Variants in CBLN2 observed in about 807,000 individuals in gnomAD.
The protein encoded by CBLN2 is cerebellin 2 precursor, also known as cerebellin-2.
In CBLN2, 7 loss-of-function variants were observed where a neutral mutation model predicts 15.0. The ratio of observed to expected loss-of-function variants is 0.47; its 90% CI spans 0.27 to 0.88. The LOEUF (loss-of-function observed/expected upper bound fraction) is 0.88. Ranked by LOEUF, CBLN2 falls within the 40% of genes least tolerant of loss-of-function variation. CBLN2 has a pLI of 0.14. For missense variants in CBLN2, 242 were observed against 304.5 expected (o/e 0.79, Z 1.53); for synonymous variants, 149 against 135.2 (o/e 1.10, Z -0.71).
intron 1 of CBLN2, among the ~76,000 whole-genome samples, chr18:72,625,715 TATATATATATAC>T (rs1235239819): frequency 0.025 from 993 of 39,440 alleles, 21 homozygotes; most frequent in African/African-American, 0.081. Flanking sequence ...TATATATATA[TATATATATATAC>T]ACACTCTTGT....
intron 1 of CBLN2, among the ~76,000 whole-genome samples, chr18:72,558,160 G>A (rs2069238355): frequency 6.6e-6 from 1 of 152,162 alleles, no homozygotes; most frequent in Non-Finnish European, 1.5e-5. Flanking sequence ...ATGTGACTTA[G>A]TGTGGCACCT....
intron 1 of CBLN2, among the ~76,000 whole-genome samples, chr18:72,636,591 C>T (rs940326041): frequency 6.6e-6 from 1 of 152,166 alleles, no homozygotes; most frequent in African/African-American, 2.4e-5. Context: ...AGAAGTCTCC[C>T]GTTCCCCGTG....
At chr18:72,557,482 A>G (rs1220628460) in intron 1 of CBLN2, among the ~76,000 whole-genome samples, 2 of 152,192 alleles carry the variant, frequency 1.3e-5, no homozygotes, top group Middle Eastern at 3.2e-3. Context: ...GGTTGAAGTA[A>G]TTTTCATTCC....
chr18:72,580,644 G>A (rs1011903698), intron 1 of CBLN2, among the ~76,000 whole-genome samples: 1 of 151,952 alleles, frequency 6.6e-6, no homozygotes, highest in African/African-American at 2.4e-5. Flanking sequence ...TGATGCTTTT[G>A]AATTCATTTG....
At chr18:72,617,954 A>C (rs2069673917) in intron 1 of CBLN2, among the ~76,000 whole-genome samples, 2 of 152,204 alleles carry the variant, frequency 1.3e-5, no homozygotes, top group Admixed American at 6.5e-5. Context: ...ATTATAGGAA[A>C]AAAAATTAAA....
chr18:72,542,056 C>A lies in CBLN2; in HGVS notation c.105G>T (p.Ala35=). Residue 35 remains alanine, a synonymous_variant, in exon 3 of 5, where the codon GCG becomes GCT. Transcript: ENST00000269503. ...GCAGTAGCAGCAACAGCAGGGCCAG[C>A]GCCACCCCCAGGCAGGATCCGCAGC... The part of the protein sequence containing the change: ...PGGCGSCLGV[A]LALLLLLLPA... 6.3e-7 allele frequency: 1 copy of A among 1,580,354 alleles called. No homozygotes were observed. Among genetic ancestry groups the A allele is most frequent in the South Asian group, 1.1e-5 (1 of 88,324 alleles).
chr18:72,542,603 C>T (rs958630731), intron 2 of CBLN2, among the ~76,000 whole-genome samples: 8 of 152,222 alleles, frequency 5.3e-5, no homozygotes, highest in African/African-American at 1.7e-4. Context: ...AGACGGGCCC[C>T]GAGACCCTCA....
At chr18:72,589,003 A>T (rs2069460687) in intron 1 of CBLN2, among the ~76,000 whole-genome samples, 1 of 152,186 alleles carries the variant, frequency 6.6e-6, no homozygotes. Context: ...TTGGCATGAA[A>T]TAACCAAATA....
upstream of CBLN2, among the ~76,000 whole-genome samples, chr18:72,545,873 C>A (rs768965615): frequency 3.9e-5 from 6 of 152,202 alleles, no homozygotes; most frequent in African/African-American, 1.2e-4. Flanking sequence ...TGCAAGCACA[C>A]ATGAACTATC....
chr18:72,592,283 G>A (rs1056929743), intron 1 of CBLN2, among the ~76,000 whole-genome samples: 1 of 151,718 alleles, frequency 6.6e-6, no homozygotes, highest in African/African-American at 2.4e-5. Context: ...ATAACTGTTT[G>A]CCATCTGTAT....
intron 1 of CBLN2, among the ~76,000 whole-genome samples, chr18:72,610,835 C>A (rs2069616952): frequency 6.6e-6 from 1 of 152,124 alleles, no homozygotes; most frequent in Non-Finnish European, 1.5e-5. Flanking sequence ...GTTTGGGATA[C>A]AATTGGTCAC....
At chr18:72,586,207 C>G (rs2144924496) in intron 1 of CBLN2, among the ~76,000 whole-genome samples, 1 of 152,334 alleles carries the variant, frequency 6.6e-6, no homozygotes, top group African/African-American at 2.4e-5. Flanking sequence ...AACATGGCAG[C>G]AGTGCTCCAG....
intron 1 of CBLN2, among the ~76,000 whole-genome samples, chr18:72,602,678 C>T (rs900225381): frequency 6.6e-6 from 1 of 152,136 alleles, no homozygotes; most frequent in African/African-American, 2.4e-5. Flanking sequence ...CTGGGTGGGG[C>T]TGATTCATTC....
intron 1 of CBLN2, among the ~76,000 whole-genome samples, chr18:72,552,098 C>CTT (rs531266914): frequency 2.8e-5 from 4 of 142,038 alleles, no homozygotes; most frequent in Non-Finnish European, 3.1e-5. Context: ...GAGCAAGATA[C>CTT]TTTTTTTTTT....
chr18:72,555,424 G>T (rs566224638), intron 1 of CBLN2, among the ~76,000 whole-genome samples: 1 of 150,304 alleles, frequency 6.7e-6, no homozygotes, highest in African/African-American at 2.5e-5. Context: ...CGGTGAATAT[G>T]TGTTTGACTA....
intron 1 of CBLN2, among the ~76,000 whole-genome samples, chr18:72,596,698 G>T (rs187230705): frequency 6.6e-6 from 1 of 152,250 alleles, no homozygotes; most frequent in African/African-American, 2.4e-5. Context: ...TACTATTGTA[G>T]AATAAAAGTT....
At chr18:72,558,232 G>A (rs1004711628) in intron 1 of CBLN2, among the ~76,000 whole-genome samples, 2 of 152,162 alleles carry the variant, frequency 1.3e-5, no homozygotes, top group African/African-American at 4.8e-5. Context: ...GCACATGGGG[G>A]CTCAGTCATG....
At chr18:72,558,489 A>G (rs1273010122) in intron 1 of CBLN2, among the ~76,000 whole-genome samples, 1 of 152,148 alleles carries the variant, frequency 6.6e-6, no homozygotes, top group African/African-American at 2.4e-5. Flanking sequence ...CTTCTAGTGG[A>G]TCCTTGAACC....
At chr18:72,636,338 C>G (rs1177043310) in intron 1 of CBLN2, among the ~76,000 whole-genome samples, 4 of 152,122 alleles carry the variant, frequency 2.6e-5, no homozygotes, top group African/African-American at 4.8e-5. Context: ...TTTAGCAAGT[C>G]ACAACACGGT....
Sources: gnomAD v4.1 joint callset for allele counts (sites outside exome capture counted in the v4.1 genomes callset) on GRCh38, gnomAD v4.1.1 for gene constraint, MANE v1.5 for transcripts, NCBI Gene and HGNC (gene_info 2026-07-23, HGNC 2026-07-21) for gene names.